The following PDE10A variants were observed in gnomAD, a reference collection of about 807,000 sequenced individuals.
PDE10A encodes phosphodiesterase 10A, also known as cAMP and cAMP-inhibited cGMP 3',5'-cyclic phosphodiesterase 10A.
Under a neutral mutation model 97.7 loss-of-function variants are expected in PDE10A, and 39 were observed. The ratio of observed to expected loss-of-function variants is 0.40; its 90% CI spans 0.31 to 0.52. PDE10A has a LOEUF of 0.52. Among genes scored for constraint, PDE10A ranks in the 20% least tolerant of loss-of-function variants. PDE10A has a pLI of 0.56. For missense variants in PDE10A, 731 were observed against 1,047.8 expected (o/e 0.70, Z 4.17); for synonymous variants, 371 against 376.8 (o/e 0.98, Z 0.18).
intron 5 of PDE10A, among the ~76,000 whole-genome samples, chr6:165,445,685 T>C (rs1486167277): frequency 6.6e-6 from 1 of 152,232 alleles, no homozygotes; most frequent in East Asian, 1.9e-4. Flanking sequence ...ATCATGTGGA[T>C]TGGACTCTTG....
upstream of PDE10A, among the ~76,000 whole-genome samples, chr6:165,665,875 T>C (rs1265888176): frequency 6.6e-6 from 1 of 152,240 alleles, no homozygotes; most frequent in Non-Finnish European, 1.5e-5. Flanking sequence ...CATAAGTATA[T>C]TTAAATTCTC....
rs577044785 is a variant in PDE10A, at chr6:165,779,925, C to T, written c.-615+207604G>A. 5.3e-5 allele frequency among the ~76,000 whole-genome samples: 8 copies of T among 152,272 alleles called. No individual in the cohort carries two copies. In the East Asian group the frequency reaches 5.8e-4, roughly 11 times the overall value. On this transcript the variant is annotated intron_variant, in intron 1 of 19. Transcript: ENST00000366882. Reference sequence around the variant, plus strand: ...TGCCAACCCACTCTTCAATTCACTCCGCTGGGCCACGAATGGTTGGAGAGC... The same window carrying T: ...TGCCAACCCACTCTTCAATTCACTCTGCTGGGCCACGAATGGTTGGAGAGC...
chr6:165,462,706 C>T (rs113364863), intron 3 of PDE10A, among the ~76,000 whole-genome samples: 3 of 152,260 alleles, frequency 2.0e-5, no homozygotes, highest in African/African-American at 7.2e-5. Context: ...AGAAGAAAAC[C>T]TGAGGAAAGC....
chr6:165,935,925 C>T (rs749632605), intron 1 of PDE10A, among the ~76,000 whole-genome samples: 1 of 152,136 alleles, frequency 6.6e-6, no homozygotes, highest in African/African-American at 2.4e-5. Context: ...AACTGTGAGC[C>T]AAATAATTTC....
chr6:165,631,388 T>C (rs1339067198), intron 1 of PDE10A, among the ~76,000 whole-genome samples: 1 of 152,210 alleles, frequency 6.6e-6, no homozygotes, highest in Non-Finnish European at 1.5e-5. Context: ...GTAACTGAAG[T>C]TGCTAGGTCC....
chr6:165,369,151 A>C (rs1329624506), intron 18 of PDE10A, among the ~76,000 whole-genome samples: 10 of 152,258 alleles, frequency 6.6e-5, no homozygotes, highest in Middle Eastern at 3.4e-3. Context: ...GAAAAACTGG[A>C]AACTCTAAAA....
chr6:165,484,420 C>T (rs1779783002), intron 2 of PDE10A, among the ~76,000 whole-genome samples: 1 of 152,232 alleles, frequency 6.6e-6, no homozygotes, highest in African/African-American at 2.4e-5. Flanking sequence ...CTGAGCTCCG[C>T]CTCCTGTCAG....
At chr6:165,924,929 A>G (rs1782884710) in intron 1 of PDE10A, among the ~76,000 whole-genome samples, 1 of 152,190 alleles carries the variant, frequency 6.6e-6, no homozygotes, top group Non-Finnish European at 1.5e-5. Context: ...GACCGCATCA[A>G]AATTAGACAC....
intron 1 of PDE10A, among the ~76,000 whole-genome samples, chr6:165,979,276 C>T (rs1424114989): frequency 2.6e-5 from 4 of 152,122 alleles, no homozygotes; most frequent in African/African-American, 9.7e-5. Flanking sequence ...GGAAGGAGCA[C>T]GTGGGCTTTC....
At chr6:165,713,338 T>C (rs1014530426) in intron 1 of PDE10A, among the ~76,000 whole-genome samples, 5 of 152,220 alleles carry the variant, frequency 3.3e-5, no homozygotes, top group African/African-American at 7.2e-5. Flanking sequence ...AGTATGCTTG[T>C]TTCCATAGGG....
rs71029562 is a variant in PDE10A, at chr6:165,748,808, T to TTGTGTGTGTG, written c.-614-205250_-614-205241dup. Among the ~76,000 whole-genome samples the TTGTGTGTGTG allele has an allele frequency of 4.1e-5, 6 of 147,700 alleles. No homozygotes were observed. The South Asian group carries it at 6.5e-4, about 16-fold the overall frequency. The stretch of plus-strand genomic sequence containing the variant: ...TCAGTGCCAAATTATAGAAAGAAGT[T>TTGTGTGTGTG]TGTGTGTGTGTGTGTGTGTGTGTGT... On this transcript the variant is annotated intron_variant, in intron 1 of 19. Coordinates refer to the PDE10A transcript ENST00000366882.
intron 5 of PDE10A, among the ~76,000 whole-genome samples, chr6:165,438,825 G>A (rs766585028): frequency 2.0e-5 from 3 of 151,878 alleles, no homozygotes; most frequent in Non-Finnish European, 4.4e-5. Flanking sequence ...GGGTGAGGTG[G>A]TGCATGCCTG....
chr6:165,483,490 A>T (rs1408124550), intron 2 of PDE10A, among the ~76,000 whole-genome samples: 6 of 152,224 alleles, frequency 3.9e-5, no homozygotes. Flanking sequence ...AAGTGGCACC[A>T]TAGAAATATT....
Position 165,418,644 on chromosome 6 carries a change from T to G in PDE10A, c.1787A>C (p.Lys596Thr). Residue 596 changes from lysine (K) to threonine (T), a missense_variant, in exon 11 of 22, where the codon AAA becomes ACA. Coordinates refer to ENST00000539869, the MANE Select transcript of PDE10A (RefSeq NM_001385079.1). The surrounding 1 kb of genome is among the most constrained non-coding windows in gnomAD (Gnocchi z 4.8). ...CTACTTCTAGCTGTACCTTATCTCT[T>G]TGGTCTTCTTGAAGACAGGTTTTCC... ...KEGKPVFKKTKEIRFSIEKGI... is the reference protein window; with the variant it reads ...KEGKPVFKKTTEIRFSIEKGI... The G allele has an allele frequency of 6.2e-7, 1 of 1,612,724 alleles. No homozygotes were observed. The highest frequency in any genetic ancestry group is 2.2e-5 in the East Asian group (1 of 44,874).
chr6:165,486,898 G>A (rs989046562), intron 2 of PDE10A, among the ~76,000 whole-genome samples: 5 of 152,202 alleles, frequency 3.3e-5, no homozygotes, highest in Admixed American at 2.0e-4. Flanking sequence ...GAATTACGAG[G>A]GTGACGAGTG....
At position 165,450,326 on chromosome 6, in the gene PDE10A, G is replaced by T; in HGVS notation, c.1060C>A (p.Leu354Ile). ...DTNMQGVVYE[L>I]NSYIEQRLDT... ...AACCGTTGTTCTATATAGCTGTTTA[G>T]TTCATATACAACTCCCTGCATATTC... Residue 354 changes from leucine to isoleucine, a missense_variant, in exon 4 of 22, where the codon CTA becomes ATA. This residue lies in a region of PDE10A where 152 missense variants were observed against 199.3 expected (regional missense o/e 0.76). Coordinates refer to ENST00000539869, the MANE Select transcript of PDE10A (RefSeq NM_001385079.1). The T allele has an allele frequency of 6.4e-7, 1 of 1,572,306 alleles. No individual in the cohort carries two copies. The highest frequency in any genetic ancestry group is 1.1e-5 in the South Asian group (1 of 88,396).
intron 1 of PDE10A, among the ~76,000 whole-genome samples, chr6:165,933,353 C>A (rs930220639): frequency 6.6e-6 from 1 of 152,148 alleles, no homozygotes; most frequent in African/African-American, 2.4e-5. Context: ...TTTTAAGCAC[C>A]TTGCCTGGTA....
intron 1 of PDE10A, among the ~76,000 whole-genome samples, chr6:165,770,528 G>A (rs1274376839): frequency 2.0e-5 from 3 of 152,148 alleles, no homozygotes; most frequent in Non-Finnish European, 4.4e-5. Context: ...GATGTAAGTT[G>A]TAAGATCTTA....
chr6:165,792,678 C>T (rs1476300454), intron 1 of PDE10A, among the ~76,000 whole-genome samples: 1 of 152,078 alleles, frequency 6.6e-6, no homozygotes, highest in Non-Finnish European at 1.5e-5. Flanking sequence ...CTGACCACAC[C>T]CAGGTTATGT....
Sources: allele counts gnomAD v4.1 joint callset (sites outside exome capture counted in the v4.1 genomes callset), GRCh38; gene constraint gnomAD v4.1.1; regional missense constraint gnomAD v4.1.1; non-coding constraint Gnocchi (gnomAD v3.1); transcripts MANE v1.5; gene names NCBI Gene and HGNC (gene_info 2026-07-23, HGNC 2026-07-21).